The following FRMPD1 variants were observed in gnomAD, a reference collection of about 807,000 sequenced individuals.
FRMPD1 encodes FERM and PDZ domain containing 1.
Under a neutral mutation model 117.8 loss-of-function variants are expected in FRMPD1, and 76 were observed. The observed-to-expected ratio is 0.65, with a 90% CI of 0.54 to 0.78. FRMPD1 has a LOEUF of 0.78. Ranked by LOEUF, FRMPD1 falls within the 30% of genes least tolerant of loss-of-function variation. The probability of loss-of-function intolerance (pLI) is 0.00; values close to 1 mark genes in which losing one functional copy is unlikely to be tolerated. For missense variants in FRMPD1, 1,786 were observed against 1,964.5 expected (o/e 0.91, Z 1.72); for synonymous variants, 783 against 770.4 (o/e 1.02, Z -0.27).
chr9:37,704,490 A>G (rs1822634048), intron 2 of FRMPD1, among the ~76,000 whole-genome samples: 1 of 152,138 alleles, frequency 6.6e-6, no homozygotes, highest in Non-Finnish European at 1.5e-5. Context: ...CTGCTCTAGA[A>G]GCAGTGCTAG....
intron 1 of FRMPD1, among the ~76,000 whole-genome samples, chr9:37,680,163 G>A (rs753755839): frequency 5.9e-5 from 9 of 152,092 alleles, no homozygotes; most frequent in East Asian, 3.9e-4. Context: ...TGTAGCTCTC[G>A]AAGGGCCATG....
chr9:37,730,482 A>T (rs1250838696), intron 8 of FRMPD1, among the ~76,000 whole-genome samples: 1 of 152,206 alleles, frequency 6.6e-6, no homozygotes. Context: ...TTTGCAGATG[A>T]ATTCTTACCC....
chr9:37,631,444 T>C, the FRMPD1 span, among the ~76,000 whole-genome samples: 1 of 152,218 alleles, frequency 6.6e-6, no homozygotes, highest in Non-Finnish European at 1.5e-5. Context: ...ATGAGTTAGA[T>C]AGCTTTTATT....
chr9:37,724,842 C>G (rs3789019), intron 7 of FRMPD1, among the ~76,000 whole-genome samples: 96,603 of 151,996 alleles, frequency 0.64, 31,087 homozygotes, highest in Non-Finnish European at 0.69. Context: ...AGTTGAGGGA[C>G]GGTGGACGTT....
chr9:37,668,317 C>T (rs1035699909), intron 1 of FRMPD1: 4 of 152,278 alleles, frequency 2.6e-5, no homozygotes, highest in Non-Finnish European at 4.4e-5. Flanking sequence ...GGGTCATGCT[C>T]CTGTGAGGAG....
At chr9:37,725,689 T>C (rs1201658982) in intron 7 of FRMPD1, among the ~76,000 whole-genome samples, 2 of 152,226 alleles carry the variant, frequency 1.3e-5, no homozygotes, top group Admixed American at 6.5e-5. Flanking sequence ...CAGGCACGCT[T>C]CCTGGGCACT....
At chr9:37,678,900 G>A (rs1457506396) in intron 1 of FRMPD1, among the ~76,000 whole-genome samples, 1 of 152,198 alleles carries the variant, frequency 6.6e-6, no homozygotes, top group Non-Finnish European at 1.5e-5. Flanking sequence ...ACTTGGCCTG[G>A]GCCCTTAGCT....
intron 2 of FRMPD1, among the ~76,000 whole-genome samples, chr9:37,699,566 C>T (rs965721537): frequency 4.6e-5 from 7 of 151,698 alleles, no homozygotes; most frequent in African/African-American, 1.2e-4. Context: ...GTGATCTGCC[C>T]GCCTCAGCCT....
At chr9:37,693,575 C>A (rs917842147) in intron 2 of FRMPD1, among the ~76,000 whole-genome samples, 2 of 152,166 alleles carry the variant, frequency 1.3e-5, no homozygotes, top group African/African-American at 4.8e-5. Context: ...ACCTAAGGCT[C>A]ATAGAGTGAC....
In FRMPD1 at chr9:37,744,734, C is replaced by T. The variant is rs1420898316; in HGVS notation, c.2702C>T (p.Ala901Val). The stretch of plus-strand genomic sequence containing the variant: ...GAGCCTGGCCTTCTGGAGACCAAGG[C>T]CTTGGGGCTGCTGGCTCCTCTGAGG... Reference protein sequence around the residue: ...QGEPGLLETKALGLLAPLRET... With the variant: ...QGEPGLLETKVLGLLAPLRET... Residue 901 changes from alanine to valine, a missense_variant, in exon 16 of 16, where the codon GCC becomes GTC. Transcript: ENST00000377765. 3.7e-6 allele frequency: 6 copies of T among 1,614,008 alleles called. No homozygotes were observed. The highest frequency in any genetic ancestry group is 1.6e-4 in the Middle Eastern group (1 of 6,062).
chr9:37,696,880 T>C (rs2118066654), intron 2 of FRMPD1, among the ~76,000 whole-genome samples: 1 of 152,354 alleles, frequency 6.6e-6, no homozygotes, highest in Non-Finnish European at 1.5e-5. Flanking sequence ...TCCCATAAAA[T>C]TTAAACTCTA....
chr9:37,745,653 C>T lies in FRMPD1; in HGVS notation c.3621C>T (p.Asp1207=), dbSNP rs1454347485. The T allele has an allele frequency of 1.9e-6, 3 of 1,614,148 alleles. No individual in the cohort carries two copies. Among genetic ancestry groups the T allele is most frequent in the Non-Finnish European group, 2.5e-6 (3 of 1,180,026 alleles). Residue 1207 remains aspartate, a synonymous_variant, in exon 16 of 16, where the codon GAC becomes GAT. Coordinates refer to ENST00000377765, the MANE Select transcript of FRMPD1 (RefSeq NM_014907.3). Reference sequence around the variant, plus strand: ...AACTATTCGTAGAGTTGGATTTAGACCCTGATTTCTTTCTTGGGAAGCAGA... The same window carrying T: ...AACTATTCGTAGAGTTGGATTTAGATCCTGATTTCTTTCTTGGGAAGCAGA... ...EQKLFVELDL[D]PDFFLGKQTV...
At chr9:37,636,989 C>T in the FRMPD1 span, 7 of 1,578,714 alleles carry the variant, frequency 4.4e-6, 1 homozygote, top group South Asian at 6.6e-5. Flanking sequence ...CTCCTGCAGC[C>T]ACTGCTTCAC....
At chr9:37,659,359 G>A (rs1180316801) in intron 1 of FRMPD1, among the ~76,000 whole-genome samples, 1 of 152,108 alleles carries the variant, frequency 6.6e-6, no homozygotes, top group African/African-American at 2.4e-5. Flanking sequence ...AAGGGTGCCG[G>A]GGCTGTTCCT....
Position 37,746,141 on chromosome 9 carries a change from C to T in FRMPD1, c.4109C>T (p.Pro1370Leu). ...CCCATGGCCCCCCTCACCTCACCGC[C>T]CTCTGCGGGAAGCCCGGTGGTTCTG... ...AHPMAPLTSP[P>L]SAGSPVVLPW... Residue 1370 changes from proline (P) to leucine (L), a missense_variant, in exon 16 of 16, where the codon CCC becomes CTC. Pro to Leu is a moderately conservative substitution (Grantham distance 98). Coordinates refer to ENST00000377765, the MANE Select transcript of FRMPD1 (RefSeq NM_014907.3). 1 of 1,614,008 alleles carries T rather than the reference C, an allele frequency of 6.2e-7. No homozygotes were observed. The highest frequency in any genetic ancestry group is 1.6e-4 in the Middle Eastern group (1 of 6,062).
intron 2 of FRMPD1, among the ~76,000 whole-genome samples, chr9:37,693,685 G>C (rs972305538): frequency 2.0e-5 from 3 of 152,214 alleles, no homozygotes; most frequent in Admixed American, 2.0e-4. Context: ...GTTTCAAGCT[G>C]CAATCCTTTC....
the FRMPD1 span, chr9:37,636,580 A>C: frequency 3.7e-6 from 3 of 801,670 alleles, no homozygotes; most frequent in African/African-American, 5.2e-5. Flanking sequence ...GACACCCCAA[A>C]GCCACAGACT....
chr9:37,617,006 G>C, the FRMPD1 span, among the ~76,000 whole-genome samples: 1 of 152,192 alleles, frequency 6.6e-6, no homozygotes, highest in African/African-American at 2.4e-5. Context: ...TGCATTGCTT[G>C]CTTTCCGCAG....
At chr9:37,622,850 G>A in the FRMPD1 span, among the ~76,000 whole-genome samples, 2 of 152,078 alleles carry the variant, frequency 1.3e-5, no homozygotes, top group South Asian at 2.1e-4. Flanking sequence ...AAAGCTGCAC[G>A]CAGCCAATTG....
Sources: allele counts gnomAD v4.1 joint callset (sites outside exome capture counted in the v4.1 genomes callset), GRCh38; gene constraint gnomAD v4.1.1; transcripts MANE v1.5; gene names NCBI Gene and HGNC (gene_info 2026-07-23, HGNC 2026-07-21).